LYPLAL1: variants seen among roughly 807,000 people sequenced by gnomAD.
The protein encoded by LYPLAL1 is lysophospholipase like 1.
A neutral mutation model predicts 19.7 loss-of-function variants in LYPLAL1; 23 were observed. The observed-to-expected ratio is 1.17, with a 90% CI of 0.84 to 1.65. The LOEUF (loss-of-function observed/expected upper bound fraction) is 1.65, where lower values mean the gene tolerates loss of function less well. Among genes scored for constraint, LYPLAL1 ranks in the 40% most tolerant of loss-of-function variants. The pLI is 0.00. For missense variants in LYPLAL1, 355 were observed against 279.4 expected (o/e 1.27, Z -1.93); for synonymous variants, 119 against 96.3 (o/e 1.24, Z -1.38).
intron 1 of LYPLAL1, chr1:219,174,835 TA>T (rs1376309990): frequency 2.1e-6 from 2 of 941,862 alleles, no homozygotes; most frequent in Non-Finnish European, 2.5e-6. Flanking sequence ...GGGGCCTACC[TA>T]AAGTTAAAAA....
intron 2 of LYPLAL1, among the ~76,000 whole-genome samples, chr1:219,184,612 T>A (rs1464379860): frequency 6.6e-6 from 1 of 151,878 alleles, no homozygotes; most frequent in African/African-American, 2.4e-5. Flanking sequence ...CTTTTTTTTA[T>A]ATTGAGGACA....
At chr1:219,339,713 C>T in the LYPLAL1 span, among the ~76,000 whole-genome samples, 1 of 151,878 alleles carries the variant, frequency 6.6e-6, no homozygotes, top group Non-Finnish European at 1.5e-5. Context: ...AACCTTTGGG[C>T]AATGAATAGT....
the LYPLAL1 span, among the ~76,000 whole-genome samples, chr1:219,290,000 G>C: frequency 6.6e-6 from 1 of 152,084 alleles, no homozygotes; most frequent in Non-Finnish European, 1.5e-5. Context: ...GATAACCTGG[G>C]GCTCAGTGAG....
At chr1:219,359,876 C>T in the LYPLAL1 span, among the ~76,000 whole-genome samples, 2 of 152,268 alleles carry the variant, frequency 1.3e-5, no homozygotes, top group East Asian at 3.9e-4. Flanking sequence ...GAAAAGTCCA[C>T]AAGACTGGAA....
intron 2 of LYPLAL1, among the ~76,000 whole-genome samples, chr1:219,190,236 C>T (rs992035646): frequency 6.6e-6 from 1 of 151,442 alleles, no homozygotes; most frequent in African/African-American, 2.4e-5. Flanking sequence ...TTATATATAG[C>T]ATATGTCTTA....
chr1:219,189,624 AT>A (rs1051995618), intron 2 of LYPLAL1, among the ~76,000 whole-genome samples: 8 of 151,300 alleles, frequency 5.3e-5, no homozygotes, highest in African/African-American at 1.9e-4. Flanking sequence ...TTGTGAGATA[AT>A]TTATGCTTAT....
At chr1:219,412,632 T>C in the LYPLAL1 span, among the ~76,000 whole-genome samples, 1 of 152,174 alleles carries the variant, frequency 6.6e-6, no homozygotes, top group Admixed American at 6.5e-5. Context: ...AAAATGACCA[T>C]GAAGAATCCA....
At chr1:219,214,321 G>C (rs1215216412), downstream of LYPLAL1, among the ~76,000 whole-genome samples, 1 of 152,014 alleles carries the variant, frequency 6.6e-6, no homozygotes, top group Non-Finnish European at 1.5e-5. Flanking sequence ...AAAGATTTTG[G>C]TCTGCAGTTT....
At chr1:219,185,879 TA>T (rs1656679640) in intron 2 of LYPLAL1, among the ~76,000 whole-genome samples, 1 of 151,928 alleles carries the variant, frequency 6.6e-6, no homozygotes, top group African/African-American at 2.4e-5. Flanking sequence ...GACTTAGTGT[TA>T]ACAGTAACAT....
At chr1:219,238,869 A>C in the LYPLAL1 span, among the ~76,000 whole-genome samples, 1 of 152,212 alleles carries the variant, frequency 6.6e-6, no homozygotes, top group East Asian at 1.9e-4. Context: ...GTTTAGGTAA[A>C]TATGTTTTGG....
At chr1:219,439,425 G>A in the LYPLAL1 span, among the ~76,000 whole-genome samples, 1 of 152,090 alleles carries the variant, frequency 6.6e-6, no homozygotes, top group Non-Finnish European at 1.5e-5. Flanking sequence ...CCTCTTCCAT[G>A]ATACGTTATC....
the LYPLAL1 span, among the ~76,000 whole-genome samples, chr1:219,407,686 G>A: frequency 6.6e-6 from 1 of 152,166 alleles, no homozygotes; most frequent in Non-Finnish European, 1.5e-5. Context: ...ATTTATTTTA[G>A]GAAAACAACT....
chr1:219,245,446 C>T, the LYPLAL1 span, among the ~76,000 whole-genome samples: 1 of 152,114 alleles, frequency 6.6e-6, no homozygotes, highest in Non-Finnish European at 1.5e-5. Context: ...TAAGGAATCC[C>T]TTAGCAACCC....
chr1:219,300,254 G>A, the LYPLAL1 span, among the ~76,000 whole-genome samples: 1,859 of 152,192 alleles, frequency 0.012, 32 homozygotes, highest in African/African-American at 0.042. Flanking sequence ...AAAGTGATGG[G>A]ATACAGGTGT....
chr1:219,253,339 T>G, the LYPLAL1 span, among the ~76,000 whole-genome samples: 1 of 151,938 alleles, frequency 6.6e-6, no homozygotes. Flanking sequence ...GGTTGATTTG[T>G]TCTTCTCTAA....
the LYPLAL1 span, among the ~76,000 whole-genome samples, chr1:219,331,219 C>T: frequency 1.3e-5 from 2 of 152,160 alleles, no homozygotes; most frequent in Admixed American, 1.3e-4. Flanking sequence ...TCCCAGATTT[C>T]ATCATGACAA....
At chr1:219,245,255 A>C in the LYPLAL1 span, among the ~76,000 whole-genome samples, 1 of 147,380 alleles carries the variant, frequency 6.8e-6, no homozygotes, top group Non-Finnish European at 1.5e-5. Context: ...AGATCCTTAG[A>C]GGGAGCTCAT....
chr1:219,408,331 A>G, the LYPLAL1 span, among the ~76,000 whole-genome samples: 2 of 152,154 alleles, frequency 1.3e-5, no homozygotes, highest in Admixed American at 1.3e-4. Context: ...GTTCCTTGAG[A>G]GAGAAGAAAC....
intron 1 of LYPLAL1, among the ~76,000 whole-genome samples, chr1:219,174,678 G>T (rs142479054): frequency 6.6e-6 from 1 of 152,074 alleles, no homozygotes; most frequent in Non-Finnish European, 1.5e-5. Context: ...AATCACTTTT[G>T]TCTGTCTTCC....
Sources: allele counts gnomAD v4.1 joint callset (sites outside exome capture counted in the v4.1 genomes callset), GRCh38; gene constraint gnomAD v4.1.1; transcripts MANE v1.5; gene names NCBI Gene and HGNC (gene_info 2026-07-23, HGNC 2026-07-21).